Variants in EYA1 observed in about 807,000 individuals in gnomAD.
EYA1 encodes protein phosphatase EYA1.
A neutral mutation model predicts 82.0 loss-of-function variants in EYA1; 16 were observed. The ratio of observed to expected loss-of-function variants is 0.20; its 90% CI spans 0.13 to 0.30. EYA1 has a LOEUF of 0.30. Among genes scored for constraint, EYA1 ranks in the 10% least tolerant of loss-of-function variants. EYA1 has a pLI of 1.00. For synonymous variants in EYA1, 261 were observed against 264.4 expected, an observed-to-expected ratio of 0.99 and a Z score of 0.12; for missense variants, 633 against 730.7, an observed-to-expected ratio of 0.87 and a Z score of 1.54.
chr8:71,209,625 T>G (rs757960804), intron 17 of EYA1, among the ~76,000 whole-genome samples: 3 of 152,206 alleles, frequency 2.0e-5, no homozygotes, highest in Non-Finnish European at 4.4e-5. Context: ...TGTATCATAC[T>G]TAGGCTCAGT....
intron 2 of EYA1, among the ~76,000 whole-genome samples, chr8:71,500,964 T>G (rs1420440808): frequency 6.6e-6 from 1 of 152,202 alleles, no homozygotes; most frequent in Non-Finnish European, 1.5e-5. Context: ...GTTGAGAGGC[T>G]GTGCAAAAAA....
intron 2 of EYA1, among the ~76,000 whole-genome samples, chr8:71,375,886 C>T (rs1828344597): frequency 6.6e-6 from 1 of 152,158 alleles, no homozygotes; most frequent in South Asian, 2.1e-4. Flanking sequence ...GCCTCTGCCT[C>T]CCATCGTGCT....
At chr8:71,317,332 T>C (rs1822035816) in intron 7 of EYA1, among the ~76,000 whole-genome samples, 1 of 152,200 alleles carries the variant, frequency 6.6e-6, no homozygotes, top group Non-Finnish European at 1.5e-5. Flanking sequence ...TTGGAAAGAA[T>C]GTTATAGATC....
At chr8:71,226,756 T>C (rs1288876379) in intron 12 of EYA1, among the ~76,000 whole-genome samples, 5 of 151,522 alleles carry the variant, frequency 3.3e-5, no homozygotes, top group Admixed American at 3.3e-4. Flanking sequence ...GTAAATTTCT[T>C]TGCTTTTTTA....
At chr8:71,528,995 A>T in intron 2 of EYA1, among the ~76,000 whole-genome samples, 1 of 152,202 alleles carries the variant, frequency 6.6e-6, no homozygotes, top group Admixed American at 6.5e-5. Flanking sequence ...ACAGTTTACA[A>T]AGTGCTTTGG....
At chr8:71,514,205 C>G (rs1022289481) in intron 2 of EYA1, among the ~76,000 whole-genome samples, 1 of 152,018 alleles carries the variant, frequency 6.6e-6, no homozygotes, top group African/African-American at 2.4e-5. Context: ...AAATAACTTA[C>G]TTTGTAGATT....
intron 9 of EYA1, among the ~76,000 whole-genome samples, chr8:71,272,596 A>G (rs1384434183): frequency 6.6e-6 from 1 of 152,218 alleles, no homozygotes; most frequent in East Asian, 1.9e-4. Flanking sequence ...ATAATTACAT[A>G]GAAACCACAA....
intron 2 of EYA1, among the ~76,000 whole-genome samples, chr8:71,449,778 G>C (rs1451268469): frequency 6.6e-6 from 1 of 152,160 alleles, no homozygotes; most frequent in Non-Finnish European, 1.5e-5. Flanking sequence ...TTCTTCCACA[G>C]GAAGACTTTT....
At chr8:71,265,274 T>C (rs983599079) in intron 11 of EYA1, among the ~76,000 whole-genome samples, 1 of 152,214 alleles carries the variant, frequency 6.6e-6, no homozygotes, top group African/African-American at 2.4e-5. Context: ...ATTGGGTCTC[T>C]AACCTCTCCC....
chr8:71,380,424 T>C (rs1828631842), intron 2 of EYA1, among the ~76,000 whole-genome samples: 2 of 152,154 alleles, frequency 1.3e-5, no homozygotes, highest in African/African-American at 4.8e-5. Flanking sequence ...CAAATGTTCA[T>C]GGACCTGGGT....
At chr8:71,236,146 C>T (rs1314076329) in intron 12 of EYA1, among the ~76,000 whole-genome samples, 2 of 152,136 alleles carry the variant, frequency 1.3e-5, no homozygotes, top group African/African-American at 4.8e-5. Flanking sequence ...TTTGATTCTC[C>T]TGCCTCAGCA....
intron 9 of EYA1, among the ~76,000 whole-genome samples, chr8:71,280,706 C>T (rs1817714071): frequency 1.3e-5 from 2 of 152,130 alleles, no homozygotes; most frequent in South Asian, 2.1e-4. Flanking sequence ...AGCTGACTTG[C>T]TTTTTTTCCG....
upstream of EYA1, among the ~76,000 whole-genome samples, chr8:71,366,515 A>C (rs924963780): frequency 2.0e-5 from 3 of 152,170 alleles, no homozygotes; most frequent in Admixed American, 6.5e-5. Context: ...GGCAAAACCA[A>C]TCTTGTCAGC....
chr8:71,516,362 G>A (rs1222141070), intron 2 of EYA1, among the ~76,000 whole-genome samples: 3 of 152,124 alleles, frequency 2.0e-5, no homozygotes, highest in African/African-American at 7.2e-5. Context: ...GGCCACAGTA[G>A]AGCTCTTGAA....
chr8:71,545,364 A>G (rs1200491353), intron 1 of EYA1, among the ~76,000 whole-genome samples: 1 of 152,214 alleles, frequency 6.6e-6, no homozygotes, highest in African/African-American at 2.4e-5. Context: ...AAACAGCTAG[A>G]TCACGTAAGT....
At chr8:71,545,558 C>CTTTTT (rs34093503) in intron 1 of EYA1, among the ~76,000 whole-genome samples, 7 of 100,348 alleles carry the variant, frequency 7.0e-5, no homozygotes, top group Admixed American at 1.2e-4. Context: ...TATTTTGTTC[C>CTTTTT]TTTTTTTTTT....
intron 6 of EYA1, among the ~76,000 whole-genome samples, chr8:71,319,421 C>T (rs1414603423): frequency 1.3e-5 from 2 of 152,136 alleles, no homozygotes; most frequent in African/African-American, 2.4e-5. Context: ...TGAGCCACTG[C>T]GCCTGGCCTA....
At chr8:71,259,997 A>C (rs1814904421) in intron 11 of EYA1, among the ~76,000 whole-genome samples, 1 of 152,206 alleles carries the variant, frequency 6.6e-6, no homozygotes, top group African/African-American at 2.4e-5. Flanking sequence ...TTATTATAAG[A>C]ACCACTAAAA....
At chr8:71,260,829 G>T (rs551811477) in intron 11 of EYA1, among the ~76,000 whole-genome samples, 1 of 152,172 alleles carries the variant, frequency 6.6e-6, no homozygotes, top group African/African-American at 2.4e-5. Flanking sequence ...TGAAAATCTT[G>T]TTAAGTATGC....
Sources: allele counts gnomAD v4.1 joint callset (sites outside exome capture counted in the v4.1 genomes callset), GRCh38; gene constraint gnomAD v4.1.1; transcripts MANE v1.5; gene names NCBI Gene and HGNC (gene_info 2026-07-23, HGNC 2026-07-21).